BLTP1: variants seen among roughly 807,000 people sequenced by gnomAD.
BLTP1 encodes the protein bridge-like lipid transfer protein family member 1, also known as fragile site-associated protein.
At chr4:122,351,670 T>G in the BLTP1 span, among the ~76,000 whole-genome samples, 1 of 152,168 alleles carries the variant, frequency 6.6e-6, no homozygotes, top group Non-Finnish European at 1.5e-5. Context: ...TCTTTTTCAG[T>G]TACTTCTTTG....
chr4:122,338,621 C>T, the BLTP1 span, among the ~76,000 whole-genome samples: 1 of 151,198 alleles, frequency 6.6e-6, no homozygotes, highest in Non-Finnish European at 1.5e-5. Flanking sequence ...TAGGACTACC[C>T]CTGCCCCCTA....
At chr4:122,156,214 C>G in the BLTP1 span, among the ~76,000 whole-genome samples, 1 of 151,976 alleles carries the variant, frequency 6.6e-6, no homozygotes, top group Non-Finnish European at 1.5e-5. Context: ...AGCAGAATAC[C>G]CAGCTTGAGA....
At chr4:122,193,670 G>GT in the BLTP1 span, 1 of 917,778 alleles carries the variant, frequency 1.1e-6, no homozygotes, top group East Asian at 1.2e-4. Flanking sequence ...AATTAGTTTA[G>GT]TTTTTCTATT....
the BLTP1 span, among the ~76,000 whole-genome samples, chr4:122,175,520 A>C: frequency 4.2e-3 from 642 of 152,266 alleles, 2 homozygotes; most frequent in African/African-American, 0.014. Flanking sequence ...TAAAAAGGAA[A>C]ACATTTCTGT....
the BLTP1 span, chr4:122,238,111 G>A: frequency 7.4e-6 from 12 of 1,613,766 alleles, no homozygotes; most frequent in Middle Eastern, 1.6e-4. Flanking sequence ...ATGGCATGAA[G>A]AGGAAAGAAT....
At chr4:122,247,854 T>C in the BLTP1 span, 1 of 980,780 alleles carries the variant, frequency 1.0e-6, no homozygotes, top group Middle Eastern at 5.2e-4. Flanking sequence ...ATACATCATT[T>C]TAATATTTTT....
the BLTP1 span, among the ~76,000 whole-genome samples, chr4:122,292,024 GC>G: frequency 6.9e-6 from 1 of 143,986 alleles, no homozygotes; most frequent in Non-Finnish European, 1.5e-5. Flanking sequence ...AGGCTGGAGT[GC>G]AATGGCGCGA....
At chr4:122,219,614 A>C in the BLTP1 span, 1 of 1,368,542 alleles carries the variant, frequency 7.3e-7, no homozygotes, top group Non-Finnish European at 1.0e-6. Context: ...TATAACATCC[A>C]CCTGTGTATA....
the BLTP1 span, among the ~76,000 whole-genome samples, chr4:122,158,762 C>T: frequency 1.3e-5 from 2 of 151,948 alleles, no homozygotes; most frequent in Non-Finnish European, 2.9e-5. Flanking sequence ...CACAGCGAGA[C>T]TCCGTCTCAA....
the BLTP1 span, chr4:122,274,482 A>G: frequency 1.9e-6 from 3 of 1,566,450 alleles, no homozygotes; most frequent in Non-Finnish European, 2.6e-6. Flanking sequence ...GTTTTAGACA[A>G]AAATGGAAAT....
the BLTP1 span, chr4:122,170,002 TG>T: frequency 9.1e-6 from 9 of 985,064 alleles, no homozygotes; most frequent in Non-Finnish European, 7.2e-6. Context: ...ATTGTTGAGA[TG>T]TTTTTGATTA....
chr4:122,238,384 T>C, the BLTP1 span: 1 of 1,556,950 alleles, frequency 6.4e-7, no homozygotes. Flanking sequence ...AGCCTGATCA[T>C]AAATAGGATT....
At chr4:122,229,029 G>A in the BLTP1 span, 2 of 1,091,728 alleles carry the variant, frequency 1.8e-6, no homozygotes, top group South Asian at 4.7e-5. Context: ...TCAATAACTA[G>A]ATTTTTTGTG....
the BLTP1 span, chr4:122,328,770 A>G: frequency 2.0e-6 from 2 of 982,742 alleles, no homozygotes; most frequent in Non-Finnish European, 2.4e-6. Context: ...AGACTTAAGC[A>G]AATTCTTAGA....
At chr4:122,322,507 T>A in the BLTP1 span, among the ~76,000 whole-genome samples, 1 of 152,108 alleles carries the variant, frequency 6.6e-6, no homozygotes, top group Non-Finnish European at 1.5e-5. Flanking sequence ...CAACATCCCT[T>A]CTATGAGGTT....
At chr4:122,340,339 C>T in the BLTP1 span, among the ~76,000 whole-genome samples, 2 of 152,084 alleles carry the variant, frequency 1.3e-5, no homozygotes, top group South Asian at 4.1e-4. Context: ...TCCCAAATTC[C>T]ATTTTTGAGA....
chr4:122,240,309 G>C, the BLTP1 span: 1 of 1,614,092 alleles, frequency 6.2e-7, no homozygotes, highest in Non-Finnish European at 8.5e-7. Flanking sequence ...AACCAGTGAA[G>C]AAAGTTCATC....
chr4:122,282,182 A>C, the BLTP1 span: 1 of 524,966 alleles, frequency 1.9e-6, no homozygotes, highest in African/African-American at 2.1e-5. Context: ...TGTGACCCTT[A>C]TATTAATATA....
At chr4:122,182,987 T>C in the BLTP1 span, 1 of 984,804 alleles carries the variant, frequency 1.0e-6, no homozygotes, top group Non-Finnish European at 1.2e-6. Context: ...GAGCAATTCA[T>C]TTTAATGAGA....
Sources: gnomAD v4.1 joint callset for allele counts (sites outside exome capture counted in the v4.1 genomes callset) on GRCh38, gnomAD v4.1.1 for gene constraint, MANE v1.5 for transcripts, NCBI Gene and HGNC (gene_info 2026-07-23, HGNC 2026-07-21) for gene names.